Variants in DPYSL5 observed in about 807,000 individuals in gnomAD.
DPYSL5 encodes dihydropyrimidinase-related protein 5.
Under a neutral mutation model 58.4 loss-of-function variants are expected in DPYSL5, and 9 were observed. The ratio of observed to expected loss-of-function variants is 0.15; its 90% CI spans 0.09 to 0.27. The LOEUF is 0.27. Ranked by LOEUF, DPYSL5 falls within the 10% of genes least tolerant of loss-of-function variation. DPYSL5 has a pLI of 1.00. For synonymous variants in DPYSL5, 293 were observed against 301.9 expected (o/e 0.97, Z 0.31); for missense variants, 499 against 770.6 (o/e 0.65, Z 4.17).
intron 1 of DPYSL5, among the ~76,000 whole-genome samples, chr2:26,888,254 T>TG (rs1663776573): frequency 1.5e-4 from 22 of 150,200 alleles, no homozygotes; most frequent in Admixed American, 6.7e-4. Context: ...TCTTTCTTTC[T>TG]TTCTTTCTTT....
intron 2 of DPYSL5, among the ~76,000 whole-genome samples, chr2:26,902,590 T>C (rs1046524540): frequency 6.6e-6 from 1 of 152,158 alleles, no homozygotes; most frequent in African/African-American, 2.4e-5. Flanking sequence ...GCCAGTGATT[T>C]TCACCCTTTG....
chr2:26,880,705 A>G (rs1001475132), intron 1 of DPYSL5, among the ~76,000 whole-genome samples: 2 of 152,142 alleles, frequency 1.3e-5, no homozygotes, highest in Non-Finnish European at 2.9e-5. Context: ...CACAACCAGC[A>G]CAGAACTCTC....
At chr2:26,936,634 C>T (rs1665186551) in intron 8 of DPYSL5, among the ~76,000 whole-genome samples, 1 of 152,030 alleles carries the variant, frequency 6.6e-6, no homozygotes, top group Admixed American at 6.5e-5. Context: ...GAGAGAAATG[C>T]TAGATCAGCT....
intron 1 of DPYSL5, among the ~76,000 whole-genome samples, chr2:26,875,759 C>T (rs1663395848): frequency 6.6e-6 from 1 of 152,136 alleles, no homozygotes; most frequent in Admixed American, 6.5e-5. Context: ...GCCAGCCTTT[C>T]AGGGAATAGA....
In DPYSL5 at chr2:26,919,990, A is replaced by G. The variant is rs114765467; in HGVS notation, c.262-4897A>G. On this transcript the variant is annotated intron_variant, in intron 2 of 12. Transcript: ENST00000288699. ...ACATGAAAGCAAGTTGCAAAAGAATATAGACAGTATGATAGATATTATTTG... is the reference window on the plus strand; with the variant it reads ...ACATGAAAGCAAGTTGCAAAAGAATGTAGACAGTATGATAGATATTATTTG... 7.8e-3 allele frequency among the ~76,000 whole-genome samples: 1,193 copies of G among 152,360 alleles called. 11 individuals are homozygous for G. Among genetic ancestry groups the G allele is most frequent in the Non-Finnish European group, 0.012 (809 of 68,042 alleles).
intron 1 of DPYSL5, among the ~76,000 whole-genome samples, chr2:26,884,834 A>G (rs941077506): frequency 6.6e-6 from 1 of 152,114 alleles, no homozygotes; most frequent in African/African-American, 2.4e-5. Flanking sequence ...CCCAGAAGCT[A>G]TTTGTTTCAT....
intron 1 of DPYSL5, among the ~76,000 whole-genome samples, chr2:26,852,184 C>T (rs1460959284): frequency 6.6e-6 from 1 of 152,200 alleles, no homozygotes; most frequent in Non-Finnish European, 1.5e-5. Flanking sequence ...AACAAGATAT[C>T]TTTGTCAACA....
rs570574563 is a variant in DPYSL5 at position 26,860,634 on chromosome 2, A to G, written c.-5+12380A>G. On this transcript the variant is annotated intron_variant, in intron 1 of 12. Transcript: ENST00000288699. ...ACTAGGAAAAAATTAGACATGACCT[A>G]TCATTGGAGAATGAATGGAATGCAC... is the stretch of plus-strand genomic sequence containing the variant. Among the ~76,000 whole-genome samples, 99 of 152,314 alleles carry G rather than the reference A, an allele frequency of 6.5e-4. 2 individuals carry two copies. In the South Asian group the frequency reaches 0.019, roughly 29 times the overall value.
rs1330105273 is a variant in DPYSL5, at chr2:26,944,027, C to T, written c.1441-629C>T. 1.3e-5 allele frequency among the ~76,000 whole-genome samples: 2 copies of T among 152,164 alleles called. No individual in the cohort carries two copies. Among genetic ancestry groups the T allele is most frequent in the African/African-American group, 4.8e-5 (2 of 41,426 alleles). On this transcript the variant is annotated intron_variant, in intron 11 of 12. Coordinates refer to ENST00000288699, the MANE Select transcript of DPYSL5 (RefSeq NM_020134.4). This position sits in a 1 kb window ranked among gnomAD's most constrained non-coding sequence, Gnocchi z 4.4. ...TGACTTCCGGTTGGGCATGGTGGCT[C>T]ACGCCTGTAATCCCGGAACTTTGGG...
intron 1 of DPYSL5, among the ~76,000 whole-genome samples, chr2:26,861,283 T>C (rs1666006298): frequency 6.6e-6 from 1 of 152,168 alleles, no homozygotes; most frequent in Admixed American, 6.5e-5. Flanking sequence ...CCCCTTTGAG[T>C]CTTTTTTATT....
chr2:26,864,515 G>A (rs562737690), intron 1 of DPYSL5, among the ~76,000 whole-genome samples: 7 of 152,202 alleles, frequency 4.6e-5, no homozygotes, highest in Admixed American at 6.5e-5. Context: ...TAAGTACCAC[G>A]GAAAGGAAAA....
chr2:26,886,972 C>G (rs1407459387), intron 1 of DPYSL5, among the ~76,000 whole-genome samples: 1 of 152,196 alleles, frequency 6.6e-6, no homozygotes, highest in Non-Finnish European at 1.5e-5. Context: ...CAAATGTTAC[C>G]TGCTTGGAGC....
At chr2:26,878,349 T>C (rs1433597009) in intron 1 of DPYSL5, among the ~76,000 whole-genome samples, 5 of 152,216 alleles carry the variant, frequency 3.3e-5, no homozygotes, top group Non-Finnish European at 5.9e-5. Context: ...TGTAGTATTT[T>C]TTTGTCTTTT....
intron 2 of DPYSL5, among the ~76,000 whole-genome samples, chr2:26,915,614 T>C (rs1237745683): frequency 2.0e-5 from 3 of 152,296 alleles, no homozygotes; most frequent in East Asian, 1.9e-4. Flanking sequence ...TACAACAGCA[T>C]GGTAACTTCA....
rs1482087921 is a variant in DPYSL5 at position 26,925,210 on chromosome 2, G to A, written c.420+165G>A. ...ACACTTGGGATTCCATAAGGGGAGC[G>A]GATGGGCTTGTGCTGCTTAACTTAA... On this transcript the variant is annotated intron_variant, in intron 3 of 12. Transcript: ENST00000288699. This position sits in a 1 kb window ranked among gnomAD's most constrained non-coding sequence, Gnocchi z 4.5. Among the ~76,000 whole-genome samples the A allele has an allele frequency of 3.3e-5, 5 of 152,190 alleles. No homozygotes were observed. The highest frequency in any genetic ancestry group is 1.9e-4 in the East Asian group (1 of 5,184).
At chr2:26,872,500 C>G (rs1485457595) in intron 1 of DPYSL5, among the ~76,000 whole-genome samples, 1 of 152,008 alleles carries the variant, frequency 6.6e-6, no homozygotes, top group Non-Finnish European at 1.5e-5. Context: ...GAACAGCCTG[C>G]CCAACATGGT....
chr2:26,892,840 C>A (rs774658083), intron 1 of DPYSL5, among the ~76,000 whole-genome samples: 15 of 150,664 alleles, frequency 1.0e-4, no homozygotes, highest in Non-Finnish European at 1.5e-4. Context: ...GTGGCTCTAT[C>A]CACCACCTAA....
rs2148167546 is a variant in DPYSL5, at chr2:26,933,060, C to T, written c.715-198C>T. ...TGGTGCTGGAGGCTGTTCTCTGCCT[C>T]CCCGTATCATGCAGTTCCTGCAACC... On this transcript the variant is annotated intron_variant, in intron 6 of 12. Transcript: ENST00000288699. This position sits in a 1 kb window ranked among gnomAD's most constrained non-coding sequence, Gnocchi z 4.2. Among the ~76,000 whole-genome samples, 1 of 152,312 alleles carries T rather than the reference C, an allele frequency of 6.6e-6. No homozygotes were observed.
rs1392645578 is a variant in DPYSL5 at position 26,898,575 on chromosome 2, G to A, written c.76G>A (p.Ala26Thr). 5.0e-6 allele frequency: 8 copies of A among 1,614,060 alleles called. No homozygotes were observed. Among genetic ancestry groups the A allele is most frequent in the Non-Finnish European group, 6.8e-6 (8 of 1,180,032 alleles). The change falls in exon 2 of 13, where the codon GCT (alanine) becomes ACT (threonine). Residue 26 changes from alanine to threonine, a missense_variant. Around this residue, in one of 3 missense-constraint regions of DPYSL5, gnomAD observed 404 missense variants for 647.6 expected, o/e 0.62. Transcript: ENST00000288699. This position sits in a 1 kb window ranked among gnomAD's most constrained non-coding sequence, Gnocchi z 6.1. ...GGTGAACGATGACTGCACCCACGAG[G>A]CTGACGTCTACATCGAGAATGGCAT... is the stretch of plus-strand genomic sequence containing the variant. ...KVVNDDCTHE[A>T]DVYIENGIIQ...
Sources: allele counts gnomAD v4.1 joint callset (sites outside exome capture counted in the v4.1 genomes callset), GRCh38; gene constraint gnomAD v4.1.1; regional missense constraint gnomAD v4.1.1; non-coding constraint Gnocchi (gnomAD v3.1); transcripts MANE v1.5; gene names NCBI Gene and HGNC (gene_info 2026-07-23, HGNC 2026-07-21).